The following HDX variants were observed in gnomAD, a reference collection of about 807,000 sequenced individuals.
HDX encodes chromosome X open reading frame 43.
A neutral mutation model predicts 45.2 loss-of-function variants in HDX; 19 were observed. The observed-to-expected ratio is 0.42, with a 90% CI of 0.29 to 0.62. The LOEUF is 0.62. Among genes scored for constraint, HDX ranks in the 20% least tolerant of loss-of-function variants. The pLI, the probability that HDX is intolerant of heterozygous loss-of-function variation, is 0.20. For missense variants in HDX, 532 were observed against 493.9 expected (o/e 1.08, Z -0.73); for synonymous variants, 188 against 172.8 (o/e 1.09, Z -0.69).
chrX:84,427,670 A>C (rs1406740701), intron 5 of HDX, among the ~76,000 whole-genome samples: 1 of 110,911 alleles, frequency 9.0e-6, no homozygotes, highest in South Asian at 3.7e-4. Context: ...TTTTTTTCCT[A>C]TATAGAAATG....
chrX:84,428,239 A>G (rs2039426219), intron 5 of HDX, among the ~76,000 whole-genome samples: 1 of 110,370 alleles, frequency 9.1e-6, no homozygotes. Context: ...TCATTATCAT[A>G]ACCCTGTCTT....
At chrX:84,351,010 G>GCTATCTATCTAT (rs199956764) in intron 6 of HDX, among the ~76,000 whole-genome samples, 1 of 105,936 alleles carries the variant, frequency 9.4e-6, no homozygotes, top group Non-Finnish European at 1.9e-5. Flanking sequence ...ATTGATCCAG[G>GCTATCTATCTAT]CTATCTATCT....
intron 5 of HDX, among the ~76,000 whole-genome samples, chrX:84,429,120 A>T (rs1660578336): frequency 9.0e-6 from 1 of 110,892 alleles, no homozygotes; most frequent in Admixed American, 9.6e-5. Flanking sequence ...ATGAAGTGTT[A>T]TCCTGTCAAT....
chrX:84,400,634 T>G (rs2038679084), intron 5 of HDX, among the ~76,000 whole-genome samples: 1 of 111,042 alleles, frequency 9.0e-6, no homozygotes, highest in Admixed American at 9.6e-5. Flanking sequence ...CTACCCAAAG[T>G]AATTTATAGA....
chrX:84,321,397 G>T lies in HDX; in HGVS notation c.*492C>A, dbSNP rs966436299. On this transcript the variant is annotated 3_prime_UTR_variant, in exon 11 of 11. Coordinates refer to ENST00000373177, the MANE Select transcript of HDX (RefSeq NM_001177479.2). ...CATAGGGGTTAAAAACTAAATCAGA[G>T]AACTCATTAAATAATGAGTTAAATA... 9.1e-6 allele frequency: 1 copy of T among 110,301 alleles called. No homozygotes were observed. Among genetic ancestry groups the T allele is most frequent in the Non-Finnish European group, 1.9e-5 (1 of 52,313 alleles). 9.1% of individuals were successfully genotyped at this position (110,301 alleles called of 1,213,427 possible). A position where few individuals can be genotyped will look rare whatever the true frequency, so the allele number is the denominator to read the frequency against.
In HDX at chrX:84,413,515, G is replaced by C. The variant is rs1024633282; in HGVS notation, c.1305+27017C>G. On this transcript the variant is annotated intron_variant, in intron 5 of 10. Coordinates refer to ENST00000373177, the MANE Select transcript of HDX (RefSeq NM_001177479.2). ...GGCCCCTCAAGATCAGGAATCTGCCGTGTAGGAGCCAATGTGTTCCTGGTC... is the reference window on the plus strand; with the variant it reads ...GGCCCCTCAAGATCAGGAATCTGCCCTGTAGGAGCCAATGTGTTCCTGGTC... Among the ~76,000 whole-genome samples the C allele has an allele frequency of 7.2e-5, 8 of 111,496 alleles. No individual in the cohort carries two copies. The East Asian group carries it at 2.3e-3, about 32-fold the overall frequency.
intron 1 of HDX, among the ~76,000 whole-genome samples, chrX:84,499,230 T>C (rs758644436): frequency 1.5e-4 from 17 of 111,659 alleles, no homozygotes; most frequent in African/African-American, 4.9e-4. Context: ...AATAAGGGGA[T>C]TGGCTTATCA....
At chrX:84,431,032 T>G (rs2039494062) in intron 5 of HDX, among the ~76,000 whole-genome samples, 1 of 110,692 alleles carries the variant, frequency 9.0e-6, no homozygotes, top group Non-Finnish European at 1.9e-5. Context: ...CCTTCCACCT[T>G]CAAGTAGGTA....
intron 5 of HDX, among the ~76,000 whole-genome samples, chrX:84,421,182 G>T (rs184090042): frequency 4.7e-4 from 53 of 111,743 alleles, no homozygotes; most frequent in Middle Eastern, 4.7e-3. Flanking sequence ...TAAGTAGAAA[G>T]AATAAATAAT....
At position 84,320,400 on chromosome X, in the gene HDX, T is replaced by G. The variant is rs751723199; in HGVS notation, c.*1489A>C. ...GTGGGAGCTTACCTATTTGTGTGTG[T>G]GGGAGGATGGGACACTTCAAGGGTA... On this transcript the variant is annotated 3_prime_UTR_variant, in exon 11 of 11. Coordinates refer to ENST00000373177, the MANE Select transcript of HDX (RefSeq NM_001177479.2). The G allele has an allele frequency of 9.0e-6, 1 of 110,633 alleles. No individual in the cohort carries two copies. Among genetic ancestry groups the G allele is most frequent in the Non-Finnish European group, 1.9e-5 (1 of 52,358 alleles). The allele number at this position is 110,633 out of a possible 1,213,427, so 9.1% of individuals were successfully genotyped here.
At chrX:84,473,054 T>A (rs1355106136) in intron 3 of HDX, among the ~76,000 whole-genome samples, 1 of 108,878 alleles carries the variant, frequency 9.2e-6, no homozygotes, top group African/African-American at 3.3e-5. Flanking sequence ...GTAATTCGGG[T>A]CATTAATCCT....
intron 5 of HDX, among the ~76,000 whole-genome samples, chrX:84,410,141 C>G (rs1365827782): frequency 9.2e-6 from 1 of 108,572 alleles, no homozygotes; most frequent in African/African-American, 3.3e-5. Flanking sequence ...TTTGGGTGCC[C>G]TTTATTTCTT....
At chrX:84,401,770 A>G (rs1430357031) in intron 5 of HDX, among the ~76,000 whole-genome samples, 1 of 112,283 alleles carries the variant, frequency 8.9e-6, no homozygotes, top group East Asian at 2.8e-4. Flanking sequence ...TGTTTATTGC[A>G]GCACTATTTA....
At chrX:84,370,123 G>A (rs1424751047) in intron 5 of HDX, among the ~76,000 whole-genome samples, 1 of 112,086 alleles carries the variant, frequency 8.9e-6, no homozygotes, top group Non-Finnish European at 1.9e-5. Flanking sequence ...AAAAGCCTGA[G>A]TATGAAAGAA....
chrX:84,359,116 A>T (rs1341449347), intron 6 of HDX, among the ~76,000 whole-genome samples: 1 of 111,148 alleles, frequency 9.0e-6, no homozygotes, highest in Non-Finnish European at 1.9e-5. Context: ...CACTTTCAAA[A>T]TTTTATCTTT....
At chrX:84,350,520 T>C (rs2037322038) in intron 6 of HDX, among the ~76,000 whole-genome samples, 1 of 111,921 alleles carries the variant, frequency 8.9e-6, no homozygotes, top group Non-Finnish European at 1.9e-5. Context: ...ATCTGATGTA[T>C]ACACATTCAG....
chrX:84,377,268 A>C (rs1205935690), intron 5 of HDX, among the ~76,000 whole-genome samples: 1 of 111,650 alleles, frequency 9.0e-6, no homozygotes, highest in African/African-American at 3.3e-5. Flanking sequence ...ACTCCTTCCC[A>C]AAAAGGATTG....
intron 1 of HDX, among the ~76,000 whole-genome samples, chrX:84,491,435 C>A (rs980087414): frequency 1.8e-5 from 2 of 111,651 alleles, no homozygotes; most frequent in African/African-American, 6.5e-5. Flanking sequence ...CTTTCTTCTA[C>A]CTTATTGAAC....
chrX:84,491,072 G>T (rs1005983860), intron 1 of HDX, among the ~76,000 whole-genome samples: 3 of 110,716 alleles, frequency 2.7e-5, no homozygotes, highest in Admixed American at 9.6e-5. Context: ...TGGGTATGTG[G>T]GTTCATAGAT....
Sources: allele counts gnomAD v4.1 joint callset (sites outside exome capture counted in the v4.1 genomes callset), GRCh38; gene constraint gnomAD v4.1.1; transcripts MANE v1.5; gene names NCBI Gene and HGNC (gene_info 2026-07-23, HGNC 2026-07-21).